TSHZ2: variants seen among roughly 807,000 people sequenced by gnomAD.
The protein encoded by TSHZ2 is teashirt zinc finger homeobox 2.
Under a neutral mutation model 74.4 loss-of-function variants are expected in TSHZ2, and 21 were observed. The observed-to-expected ratio is 0.28, with a 90% confidence interval of 0.20 to 0.41. The LOEUF is 0.41. Ranked by LOEUF, TSHZ2 falls within the 10% of genes least tolerant of loss-of-function variation. TSHZ2 has a pLI of 1.00. For synonymous variants in TSHZ2, 540 were observed against 515.3 expected (o/e 1.05, Z -0.65); for missense variants, 1,244 against 1,293.5 (o/e 0.96, Z 0.59).
At chr20:53,386,130 T>A (rs1451697633) in intron 2 of TSHZ2, among the ~76,000 whole-genome samples, 2 of 152,240 alleles carry the variant, frequency 1.3e-5, no homozygotes, top group African/African-American at 4.8e-5. Flanking sequence ...TAGCGTGGCC[T>A]GAGAGCCTCA....
At chr20:53,107,745 G>T (rs930704794) in intron 1 of TSHZ2, among the ~76,000 whole-genome samples, 10 of 152,190 alleles carry the variant, frequency 6.6e-5, no homozygotes, top group African/African-American at 2.4e-4. Flanking sequence ...CTTCATGTCT[G>T]TTCCATGTGC....
chr20:53,136,478 G>C (rs947594240), intron 1 of TSHZ2, among the ~76,000 whole-genome samples: 37 of 152,188 alleles, frequency 2.4e-4, no homozygotes, highest in Non-Finnish European at 1.5e-5. Context: ...GCTACTTGCT[G>C]TATGTCAGGC....
At chr20:53,424,097 CCTAA>C (rs1198269756) in intron 2 of TSHZ2, among the ~76,000 whole-genome samples, 5 of 152,234 alleles carry the variant, frequency 3.3e-5, no homozygotes, top group East Asian at 1.9e-4. Flanking sequence ...GTTTTGCTTC[CCTAA>C]CTGAGGGTTT....
In TSHZ2 at chr20:53,015,962, A is replaced by T. The variant is rs1983026233; in HGVS notation, c.40+42629A>T. On this transcript the variant is annotated intron_variant, in intron 1 of 2. Transcript: ENST00000371497. The stretch of plus-strand genomic sequence containing the variant: ...GGGAAGAATTTTTAAAAATAATAAA[A>T]ATCCCGATTTAATGATAAATAATCA... 1.3e-5 allele frequency among the ~76,000 whole-genome samples: 2 copies of T among 152,118 alleles called. 1 individual carries two copies. Among genetic ancestry groups the T allele is most frequent in the South Asian group, 4.1e-4 (2 of 4,824 alleles).
At chr20:53,474,265 G>A (rs1400935019) in intron 2 of TSHZ2, among the ~76,000 whole-genome samples, 3 of 138,592 alleles carry the variant, frequency 2.2e-5, no homozygotes, top group Non-Finnish European at 3.1e-5. Flanking sequence ...GAGAAAGGTC[G>A]GGTTACCCTC....
intron 1 of TSHZ2, among the ~76,000 whole-genome samples, chr20:53,191,571 G>A (rs761714780): frequency 2.6e-5 from 4 of 152,246 alleles, no homozygotes; most frequent in Non-Finnish European, 2.9e-5. Flanking sequence ...GCTGAAGTGG[G>A]AGAATCACTT....
intron 2 of TSHZ2, among the ~76,000 whole-genome samples, chr20:53,415,440 C>T (rs1263342748): frequency 6.6e-6 from 1 of 152,096 alleles, no homozygotes; most frequent in Non-Finnish European, 1.5e-5. Flanking sequence ...AGTCTCTGCT[C>T]CTTCCTCTGC....
chr20:53,127,238 T>C lies in TSHZ2; in HGVS notation c.41-126261T>C, dbSNP rs529091741. Among the ~76,000 whole-genome samples the C allele has an allele frequency of 1.3e-4, 20 of 152,292 alleles. No individual in the cohort carries two copies. In the South Asian group the frequency reaches 4.1e-3, roughly 32 times the overall value. ...AAGTGTTGGGCACTGTGCCAGAAAC[T>C]AAAAATATATTCAATGAGACAGAAA... On this transcript the variant is annotated intron_variant, in intron 1 of 2. Transcript: ENST00000371497.
In TSHZ2 at chr20:53,494,889, T is replaced by G. The variant is rs902569389; in HGVS notation, c.*7754T>G. The G allele has an allele frequency of 6.6e-6, 1 of 152,132 alleles. No homozygotes were observed. The highest frequency in any genetic ancestry group is 1.9e-4 in the East Asian group (1 of 5,194). 9.4% of individuals were successfully genotyped at this position (152,132 alleles called of 1,614,324 possible). ...CACTCAGCAGTTATTGGAAATAGAC[T>G]GTTCCCATCTGAAACCGTATCGTAA... On this transcript the variant is annotated 3_prime_UTR_variant, in exon 3 of 3. Transcript: ENST00000371497.
chr20:53,190,133 A>ATTTTTTTT (rs1988701981), intron 1 of TSHZ2, among the ~76,000 whole-genome samples: 1 of 86,300 alleles, frequency 1.2e-5, no homozygotes, highest in African/African-American at 4.6e-5. Flanking sequence ...ATATATATAT[A>ATTTTTTTT]TATATTTTCT....
chr20:53,294,166 G>A (rs915108820), intron 2 of TSHZ2, among the ~76,000 whole-genome samples: 3 of 152,360 alleles, frequency 2.0e-5, no homozygotes, highest in Non-Finnish European at 4.4e-5. Flanking sequence ...ATCTTGGCAG[G>A]TCGCTTAATC....
rs1990561310 is a variant in TSHZ2 at position 53,259,643 on chromosome 20, C to T, written c.*8+3072C>T. On this transcript the variant is annotated intron_variant, in intron 2 of 2. Transcript: ENST00000371497. ...AGTATTCTAGTCCAATGAGCTGCCA[C>T]TTCTGTTGTGGGCGGCTTGATAAAA... is the stretch of plus-strand genomic sequence containing the variant. Among the ~76,000 whole-genome samples, 9 of 152,196 alleles carry T rather than the reference C, an allele frequency of 5.9e-5. No homozygotes were observed. In the South Asian group the frequency reaches 1.9e-3, roughly 31 times the overall value.
chr20:53,022,277 G>C, intron 1 of TSHZ2, among the ~76,000 whole-genome samples: 1 of 152,196 alleles, frequency 6.6e-6, no homozygotes, highest in African/African-American at 2.4e-5. Context: ...AGGTACATGA[G>C]TATGTATATT....
At chr20:53,069,189 A>C (rs976608050) in intron 1 of TSHZ2, among the ~76,000 whole-genome samples, 20 of 152,162 alleles carry the variant, frequency 1.3e-4, no homozygotes, top group African/African-American at 4.6e-4. Flanking sequence ...AAATATGAAG[A>C]GATACCTTCC....
chr20:53,182,671 T>C (rs1211995312), intron 1 of TSHZ2, among the ~76,000 whole-genome samples: 2 of 152,218 alleles, frequency 1.3e-5, no homozygotes, highest in Admixed American at 1.3e-4. Flanking sequence ...CTCTTTCCCT[T>C]TGATAAACGT....
rs1799405117 is a variant in TSHZ2 at position 53,074,277 on chromosome 20, G to A, written c.40+100944G>A. Among the ~76,000 whole-genome samples, 1 of 152,088 alleles carries A rather than the reference G, an allele frequency of 6.6e-6. No homozygotes were observed. Among genetic ancestry groups the A allele is most frequent in the Non-Finnish European group, 1.5e-5 (1 of 68,022 alleles). On this transcript the variant is annotated intron_variant, in intron 1 of 2. Transcript: ENST00000371497. The surrounding 1 kb of genome is among the most constrained non-coding windows in gnomAD (Gnocchi z 5.9). ...TCTCACAATACCCTGTATTGTACTT[G>A]GAAATAGAAGTTACCACATTGCTGA... is the stretch of plus-strand genomic sequence containing the variant.
At chr20:53,311,510 A>G (rs2078458051) in intron 2 of TSHZ2, among the ~76,000 whole-genome samples, 1 of 152,236 alleles carries the variant, frequency 6.6e-6, no homozygotes, top group African/African-American at 2.4e-5. Flanking sequence ...GAGTTAAACA[A>G]GATAAAACAC....
chr20:53,047,613 A>T (rs1166738137), intron 1 of TSHZ2, among the ~76,000 whole-genome samples: 1 of 152,196 alleles, frequency 6.6e-6, no homozygotes, highest in African/African-American at 2.4e-5. Flanking sequence ...AAATACCAAG[A>T]AACAGGAGAT....
At chr20:52,983,917 A>C (rs141887005) in intron 1 of TSHZ2, among the ~76,000 whole-genome samples, 1 of 152,168 alleles carries the variant, frequency 6.6e-6, no homozygotes, top group Non-Finnish European at 1.5e-5. Context: ...CCCACGGGGA[A>C]CCCGCGCTCA....
Sources: allele counts gnomAD v4.1 joint callset (sites outside exome capture counted in the v4.1 genomes callset), GRCh38; gene constraint gnomAD v4.1.1; non-coding constraint Gnocchi (gnomAD v3.1); transcripts MANE v1.5; gene names NCBI Gene and HGNC (gene_info 2026-07-23, HGNC 2026-07-21).